TMEM132C: variants seen among roughly 807,000 people sequenced by gnomAD.
TMEM132C encodes transmembrane protein 132C.
In TMEM132C, 29 loss-of-function variants were observed where a neutral mutation model predicts 61.4. That is an observed-to-expected ratio of 0.47 (90% CI 0.35 to 0.64). The LOEUF (loss-of-function observed/expected upper bound fraction) is 0.64. TMEM132C is among the 30% of genes least tolerant of loss of function. The pLI is 0.00. For synonymous variants in TMEM132C, 656 were observed against 633.1 expected, an observed-to-expected ratio of 1.04 and a Z score of -0.54; for missense variants, 1,408 against 1,476.9, an observed-to-expected ratio of 0.95 and a Z score of 0.76.
At chr12:128,363,921 T>C (rs1713578) in intron 1 of TMEM132C, among the ~76,000 whole-genome samples, 150,128 of 151,348 alleles carry the variant, frequency 0.99, 74,481 homozygotes, top group Middle Eastern at 1. Flanking sequence ...AGCTGGATAT[T>C]TGCATATTCC....
intron 5 of TMEM132C, among the ~76,000 whole-genome samples, chr12:128,673,468 A>G (rs1458364990): frequency 1.3e-5 from 2 of 152,218 alleles, no homozygotes; most frequent in South Asian, 4.1e-4. Context: ...AAGCAGGCCA[A>G]CCTGACTTAA....
At chr12:128,330,903 A>G (rs1328530077) in intron 1 of TMEM132C, among the ~76,000 whole-genome samples, 1 of 125,632 alleles carries the variant, frequency 8.0e-6, no homozygotes, top group East Asian at 2.1e-4. Context: ...ATGTATACAT[A>G]TATATATACT....
At chr12:128,470,214 C>T (rs1870901325) in intron 2 of TMEM132C, among the ~76,000 whole-genome samples, 1 of 152,144 alleles carries the variant, frequency 6.6e-6, no homozygotes, top group South Asian at 2.1e-4. Context: ...CTGGAAGGGT[C>T]AACTGCTGAG....
intron 3 of TMEM132C, among the ~76,000 whole-genome samples, chr12:128,553,786 C>T (rs1440613638): frequency 6.6e-6 from 1 of 152,168 alleles, no homozygotes; most frequent in Admixed American, 6.5e-5. Context: ...CCTCTCCTGG[C>T]CTTCACACCC....
chr12:128,580,556 T>C (rs938584236), intron 3 of TMEM132C, among the ~76,000 whole-genome samples: 1 of 152,196 alleles, frequency 6.6e-6, no homozygotes, highest in African/African-American at 2.4e-5. Context: ...ACGTGGGAAA[T>C]TGGATGACCA....
chr12:128,305,886 G>A (rs1371036172), intron 1 of TMEM132C, among the ~76,000 whole-genome samples: 8 of 152,068 alleles, frequency 5.3e-5, no homozygotes, highest in Admixed American at 5.2e-4. Context: ...TAGAACTGAC[G>A]GTAGCCTGGT....
At chr12:128,446,645 C>G (rs1228611036) in intron 2 of TMEM132C, among the ~76,000 whole-genome samples, 1 of 152,200 alleles carries the variant, frequency 6.6e-6, no homozygotes, top group Non-Finnish European at 1.5e-5. Flanking sequence ...TTGCAGACCT[C>G]TAAATTCTGA....
chr12:128,355,849 G>T (rs913467368), intron 1 of TMEM132C, among the ~76,000 whole-genome samples: 1 of 152,028 alleles, frequency 6.6e-6, no homozygotes, highest in Non-Finnish European at 1.5e-5. Flanking sequence ...TAAATGCCAC[G>T]TGCTTAGTGA....
At chr12:128,402,825 G>A (rs1243946528) in intron 1 of TMEM132C, among the ~76,000 whole-genome samples, 1 of 152,160 alleles carries the variant, frequency 6.6e-6, no homozygotes, top group African/African-American at 2.4e-5. Context: ...TGCCTACCTA[G>A]GGCACCCTTC....
chr12:128,570,280 G>C lies in TMEM132C; in HGVS notation c.1121+26177G>C, dbSNP rs1874832962. ...ATGCAAGACGCATTCTGACACTTAG[G>C]TGAAGCACAGCCACTGGGGATGTGC... On this transcript the variant is annotated intron_variant, in intron 3 of 8. Transcript: ENST00000435159. This position sits in a 1 kb window ranked among gnomAD's most constrained non-coding sequence, Gnocchi z 4.7. Among the ~76,000 whole-genome samples the C allele has an allele frequency of 6.6e-6, 1 of 152,178 alleles. No individual in the cohort carries two copies. The highest frequency in any genetic ancestry group is 1.5e-5 in the Non-Finnish European group (1 of 68,038).
At chr12:128,435,189 C>T (rs944520387) in intron 2 of TMEM132C, among the ~76,000 whole-genome samples, 38 of 152,314 alleles carry the variant, frequency 2.5e-4, no homozygotes, top group African/African-American at 9.1e-4. Context: ...GGACCTCTGC[C>T]ATCCAGAACT....
intron 1 of TMEM132C, among the ~76,000 whole-genome samples, chr12:128,328,758 G>T (rs1872594711): frequency 7.1e-6 from 1 of 140,580 alleles, no homozygotes; most frequent in African/African-American, 2.7e-5. Context: ...CTGCACTCCA[G>T]CCTGGGTGAC....
intron 1 of TMEM132C, among the ~76,000 whole-genome samples, chr12:128,271,754 A>G (rs76391006): frequency 1.3e-5 from 2 of 152,224 alleles, no homozygotes; most frequent in African/African-American, 4.8e-5. Context: ...CACTGTTCAC[A>G]GTTAGCTTAA....
chr12:128,697,237 T>G lies in TMEM132C; in HGVS notation c.1943T>G (p.Leu648Arg). Residue 648 changes from leucine to arginine, a missense_variant, in exon 8 of 9, where the codon CTG (leucine) becomes CGG (arginine). Leu to Arg is a moderately radical substitution (Grantham distance 102). Coordinates refer to ENST00000435159, the MANE Select transcript of TMEM132C (RefSeq NM_001136103.3). ...GMTTIQVLSP[L>R]SDSILAEKTI... ...CCAATCCCACAGGTGTTGTCTCCACTGTCTGACTCCATCCTGGCAGAGAAG... is the reference window on the plus strand; with the variant it reads ...CCAATCCCACAGGTGTTGTCTCCACGGTCTGACTCCATCCTGGCAGAGAAG... The G allele has an allele frequency of 6.6e-7, 1 of 1,519,632 alleles. No individual in the cohort carries two copies. The highest frequency in any genetic ancestry group is 8.9e-7 in the Non-Finnish European group (1 of 1,122,562). The allele number at this position is 1,519,632 out of a possible 1,614,324, so 94.1% of individuals were successfully genotyped here.
At chr12:128,521,859 T>G (rs975828592) in intron 2 of TMEM132C, among the ~76,000 whole-genome samples, 2 of 152,236 alleles carry the variant, frequency 1.3e-5, no homozygotes, top group Admixed American at 1.3e-4. Flanking sequence ...GAATATTGTA[T>G]GTAAAAATCC....
At chr12:128,350,009 G>A (rs149439169) in intron 1 of TMEM132C, among the ~76,000 whole-genome samples, 1 of 152,206 alleles carries the variant, frequency 6.6e-6, no homozygotes. Context: ...ATACAAAAGA[G>A]GATGTCTCTA....
At chr12:128,475,209 G>A (rs548243750) in intron 2 of TMEM132C, among the ~76,000 whole-genome samples, 6 of 152,192 alleles carry the variant, frequency 3.9e-5, no homozygotes, top group African/African-American at 9.6e-5. Flanking sequence ...CCCCCAACTC[G>A]AAATGTCATT....
intron 5 of TMEM132C, among the ~76,000 whole-genome samples, chr12:128,675,430 A>G (rs2135635393): frequency 6.6e-6 from 1 of 152,356 alleles, no homozygotes; most frequent in African/African-American, 2.4e-5. Context: ...CTAGAAGGCC[A>G]AAAGCTCTTG....
chr12:128,657,137 G>GC (rs563765072), intron 4 of TMEM132C, among the ~76,000 whole-genome samples: 173 of 152,162 alleles, frequency 1.1e-3, no homozygotes, highest in Non-Finnish European at 1.9e-3. Flanking sequence ...TGAAGGGAGC[G>GC]CCCCCCTCCT....
Sources: allele counts gnomAD v4.1 joint callset (sites outside exome capture counted in the v4.1 genomes callset), GRCh38; gene constraint gnomAD v4.1.1; non-coding constraint Gnocchi (gnomAD v3.1); transcripts MANE v1.5; gene names NCBI Gene and HGNC (gene_info 2026-07-23, HGNC 2026-07-21).